The following ZNF567 variants were observed in gnomAD, a reference collection of about 807,000 sequenced individuals.
The protein encoded by ZNF567 is zinc finger protein 567.
A neutral mutation model predicts 53.9 loss-of-function variants in ZNF567; 36 were observed. The observed-to-expected ratio is 0.67, with a 90% CI of 0.51 to 0.88. ZNF567 has a LOEUF of 0.88. Ranked by LOEUF, ZNF567 falls within the 40% of genes least tolerant of loss-of-function variation. The pLI is 0.00. For synonymous variants in ZNF567, 224 were observed against 260.4 expected, an observed-to-expected ratio of 0.86 and a Z score of 1.35; for missense variants, 619 against 764.7, an observed-to-expected ratio of 0.81 and a Z score of 2.25.
rs1265890120 is a variant in ZNF567, at chr19:36,720,651, A to G, written c.1927A>G (p.Asn643Asp). The change falls in exon 6 of 6, where the codon AAC becomes GAC. Residue 643 changes from asparagine to aspartate, a missense_variant. Physicochemically the swap from Asn to Asp is conservative, Grantham distance 23. Coordinates refer to ENST00000682579, the MANE Select transcript of ZNF567 (RefSeq NM_001322917.1). ...CCATCAAAGAACTCACAAGGGAGAA[A>G]ACATTGAAATGCAATAAATGATGTG... ...IVHQRTHKGE[N>D]IEMQ 1 of 1,541,192 alleles carries G rather than the reference A, an allele frequency of 6.5e-7. No homozygotes were observed. The highest frequency in any genetic ancestry group is 2.1e-5 in the Admixed American group (1 of 47,076).
chr19:36,686,287 A>G (rs2038268577), upstream of ZNF567: 1 of 152,334 alleles, frequency 6.6e-6, no homozygotes, highest in African/African-American at 2.4e-5. Context: ...CCCTTTCCTC[A>G]GGGCTCTTAG....
chr19:36,682,635 T>A (rs572610028), upstream of ZNF567, among the ~76,000 whole-genome samples: 10 of 147,550 alleles, frequency 6.8e-5, no homozygotes, highest in South Asian at 2.2e-3. Flanking sequence ...TGAGACGGAG[T>A]CTCACTCTGC....
At chr19:36,683,987 T>G (rs1446764077), upstream of ZNF567, among the ~76,000 whole-genome samples, 2 of 152,212 alleles carry the variant, frequency 1.3e-5, no homozygotes, top group African/African-American at 4.8e-5. Context: ...AAAACCTCAT[T>G]CTCAGCAAAA....
chr19:36,685,487 T>G (rs767961694), upstream of ZNF567: 1 of 151,378 alleles, frequency 6.6e-6, no homozygotes, highest in African/African-American at 2.5e-5. Context: ...TGGAGGGGAA[T>G]GCAAAGTTGG....
At position 36,719,452 on chromosome 19, in the gene ZNF567, AAAG is replaced by A. The variant is rs1272450914; in HGVS notation, c.733_735del (p.Arg245del). The stretch of plus-strand genomic sequence containing the variant: ...GAAAACCCATCTGTATATAATAAAA[AAAG>A]AAGAGCAACCAATATTGAAAAAAAA... On this transcript the variant is annotated inframe_deletion, in exon 6 of 6. Transcript: ENST00000682579. 5.0e-6 allele frequency: 8 copies of A among 1,611,068 alleles called. No homozygotes were observed. Among genetic ancestry groups the A allele is most frequent in the African/African-American group, 1.3e-5 (1 of 74,714 alleles).
chr19:36,724,762 A>C, downstream of ZNF567, among the ~76,000 whole-genome samples: 1 of 150,530 alleles, frequency 6.6e-6, no homozygotes, highest in East Asian at 2.0e-4. Flanking sequence ...GCAGGGGAAT[A>C]GCTTAAACCT....
At chr19:36,705,540 G>C (rs2039446895) in intron 3 of ZNF567, among the ~76,000 whole-genome samples, 1 of 152,170 alleles carries the variant, frequency 6.6e-6, no homozygotes. Flanking sequence ...TCAGAGCAGA[G>C]TCTATATGAT....
At chr19:36,689,200 A>G (rs7252295) in intron 1 of ZNF567, among the ~76,000 whole-genome samples, 197 bp from the exon 2 acceptor site, 3,822 of 150,962 alleles carry the variant, frequency 0.025, 156 homozygotes, top group African/African-American at 0.088. Context: ...AAAAAACTTT[A>G]TCTCATAACT....
At chr19:36,727,005 T>TC (rs796307598), downstream of ZNF567, 1 of 62,728 alleles carries the variant, frequency 1.6e-5, no homozygotes, top group South Asian at 5.2e-4. Flanking sequence ...TTTCTTTCTT[T>TC]CTTTCCTTTT....
intron 3 of ZNF567, among the ~76,000 whole-genome samples, chr19:36,707,911 C>T (rs1170012984): frequency 6.6e-6 from 1 of 151,774 alleles, no homozygotes; most frequent in African/African-American, 2.4e-5. Flanking sequence ...CCTTGTTTTT[C>T]GTTTGTTTGT....
upstream of ZNF567, among the ~76,000 whole-genome samples, chr19:36,682,695 C>T (rs1029389269): frequency 6.6e-6 from 1 of 151,252 alleles, no homozygotes; most frequent in Non-Finnish European, 1.5e-5. Flanking sequence ...GCAAGCTCCA[C>T]CTCCCAGGTT....
the ZNF567 span, among the ~76,000 whole-genome samples, chr19:36,675,843 T>C: frequency 2.0e-4 from 30 of 152,148 alleles, no homozygotes; most frequent in Admixed American, 1.7e-3. Context: ...AGCAAGACTC[T>C]GTCTCAAACA....
intron 3 of ZNF567, among the ~76,000 whole-genome samples, chr19:36,697,256 G>A (rs1429506021): frequency 6.6e-6 from 1 of 151,866 alleles, no homozygotes; most frequent in Admixed American, 6.6e-5. Flanking sequence ...TGTAAATGGT[G>A]TTCATTTTTA....
the ZNF567 span, among the ~76,000 whole-genome samples, chr19:36,672,464 AGC>A: frequency 6.6e-6 from 1 of 152,220 alleles, no homozygotes; most frequent in East Asian, 1.9e-4. Flanking sequence ...GATATCAGTC[AGC>A]CTCTTTACCA....
Position 36,719,087 on chromosome 19 carries a change from C to G in ZNF567, c.363C>G (p.Gly121=). 6.2e-7 allele frequency: 1 copy of G among 1,612,048 alleles called. No individual in the cohort carries two copies. Among genetic ancestry groups the G allele is most frequent in the Non-Finnish European group, 8.5e-7 (1 of 1,179,514 alleles). ...SKIYEKTFTL[G]KNPVNSKNLP... is the part of the protein sequence containing the mutation. ...TATATGAAAAGACATTTACTCTAGGCAAAAACCCTGTGAATTCAAAAAATC... is the reference window on the plus strand; with the variant it reads ...TATATGAAAAGACATTTACTCTAGGGAAAAACCCTGTGAATTCAAAAAATC... The change falls in exon 6 of 6, where the codon GGC becomes GGG. Residue 121 remains glycine (G), a synonymous_variant. Transcript: ENST00000682579.
intron 5 of ZNF567, among the ~76,000 whole-genome samples, chr19:36,715,509 AATTATTATTATTATT>A (rs747530916): frequency 2.6e-4 from 12 of 45,820 alleles, no homozygotes; most frequent in African/African-American, 1.4e-3. Flanking sequence ...TAATAATAAT[AATTATTATTATTATT>A]ATTATTATTA....
chr19:36,704,233 G>A (rs1568696659), intron 3 of ZNF567, among the ~76,000 whole-genome samples: 2 of 152,150 alleles, frequency 1.3e-5, no homozygotes, highest in Non-Finnish European at 1.5e-5. Context: ...TGAGCCAGGA[G>A]TTCAAGACTG....
Position 36,712,827 on chromosome 19 carries a change from A to G in ZNF567, c.183A>G (p.Gly61=). 1 of 1,614,150 alleles carries G rather than the reference A, an allele frequency of 6.2e-7. No homozygotes were observed. Among genetic ancestry groups the G allele is most frequent in the East Asian group, 2.2e-5 (1 of 44,886 alleles). Residue 61 remains glycine, a synonymous_variant, in exon 5 of 6, where the codon GGA becomes GGG. Transcript: ENST00000682579. ...KPDVILKLER[G]EEPWTSFAGH... is the part of the protein sequence containing the mutation. ...ATGTGATCCTCAAGTTGGAACGAGG[A>G]GAAGAGCCATGGACATCATTTGCAG...
chr19:36,692,242 C>G (rs544778955), intron 2 of ZNF567, among the ~76,000 whole-genome samples: 1 of 152,256 alleles, frequency 6.6e-6, no homozygotes, highest in African/African-American at 2.4e-5. Flanking sequence ...AGTTTTGCCT[C>G]TTGATTGTGG....
Sources: allele counts gnomAD v4.1 joint callset (sites outside exome capture counted in the v4.1 genomes callset), GRCh38; gene constraint gnomAD v4.1.1; transcripts MANE v1.5; gene names NCBI Gene and HGNC (gene_info 2026-07-23, HGNC 2026-07-21).